PDCD6IP: variants seen among roughly 807,000 people sequenced by gnomAD.
The protein encoded by PDCD6IP is programmed cell death 6 interacting protein.
PDCD6IP carries 43 observed loss-of-function variants against 103.7 expected under a neutral mutation model. The observed-to-expected ratio is 0.41, with a 90% CI of 0.32 to 0.53. The LOEUF is 0.53. Among genes scored for constraint, PDCD6IP ranks in the 20% least tolerant of loss-of-function variants. The probability of loss-of-function intolerance (pLI) is 0.16; values close to 1 mark genes in which losing one functional copy is unlikely to be tolerated. For synonymous variants in PDCD6IP, 354 were observed against 378.7 expected (o/e 0.93, Z 0.76); for missense variants, 871 against 1,036.7 (o/e 0.84, Z 2.20).
chr3:33,847,676 T>G (rs1697624178), intron 12 of PDCD6IP, among the ~76,000 whole-genome samples: 1 of 152,232 alleles, frequency 6.6e-6, no homozygotes, highest in South Asian at 2.1e-4. Context: ...GTCTGGTTAC[T>G]TATTTTCAGT....
intron 7 of PDCD6IP, among the ~76,000 whole-genome samples, chr3:33,834,766 C>A (rs998478295): frequency 6.6e-6 from 1 of 152,152 alleles, no homozygotes; most frequent in Non-Finnish European, 1.5e-5. Flanking sequence ...CTTATCTCTT[C>A]ATCTGGTCAT....
At chr3:33,838,172 A>T (rs1697392002) in intron 8 of PDCD6IP, 32 bp from the exon 9 acceptor site, 2 of 1,606,920 alleles carry the variant, frequency 1.2e-6, no homozygotes, top group Non-Finnish European at 1.7e-6. Context: ...TTTGTCTAAA[A>T]ATTTTGTTGT....
In PDCD6IP at chr3:33,867,767, T is replaced by C. The variant is rs959163529; in HGVS notation, c.*1242T>C. On this transcript the variant is annotated 3_prime_UTR_variant, in exon 18 of 18. Coordinates refer to ENST00000307296, the MANE Select transcript of PDCD6IP (RefSeq NM_013374.6). ...ACAGTGGGATCTGTTTTTTGTGAGG[T>C]TCATTTCTGAACACATTAGGCATAT... is the stretch of plus-strand genomic sequence containing the variant. 1 of 152,176 alleles carries C rather than the reference T, an allele frequency of 6.6e-6. No homozygotes were observed. Among genetic ancestry groups the C allele is most frequent in the Non-Finnish European group, 1.5e-5 (1 of 68,024 alleles). The allele number at this position is 152,176 out of a possible 1,614,324, so 9.4% of individuals were successfully genotyped here.
intron 12 of PDCD6IP, among the ~76,000 whole-genome samples, chr3:33,848,423 G>A (rs77816433): frequency 7.9e-6 from 1 of 126,654 alleles, no homozygotes; most frequent in African/African-American, 3.0e-5. Flanking sequence ...TTTTTTTTTT[G>A]AGACGGAGTC....
intron 13 of PDCD6IP, among the ~76,000 whole-genome samples, chr3:33,853,471 A>G (rs1697763511): frequency 6.6e-6 from 1 of 152,250 alleles, no homozygotes; most frequent in Non-Finnish European, 1.5e-5. Context: ...TTTCGTGTTT[A>G]CAGATAGGTA....
chr3:33,802,856 C>A (rs186292046), intron 1 of PDCD6IP, among the ~76,000 whole-genome samples: 64 of 152,276 alleles, frequency 4.2e-4, no homozygotes, highest in African/African-American at 1.5e-3. Flanking sequence ...CTGAAGTTTT[C>A]TTTGAAGGAT....
chr3:33,801,678 T>C (rs1371184519), intron 1 of PDCD6IP, among the ~76,000 whole-genome samples: 6 of 152,230 alleles, frequency 3.9e-5, no homozygotes, highest in African/African-American at 1.4e-4. Context: ...CTTCTTCCTT[T>C]ATAAAGTGGC....
At position 33,815,775 on chromosome 3, in the gene PDCD6IP, T is replaced by C. The variant is rs530862154; in HGVS notation, c.334+2147T>C. On this transcript the variant is annotated intron_variant, in intron 3 of 17. Transcript: ENST00000307296. ...TCTTTAGTAGAAAGGTTGACTCTGA[T>C]TTTTCTGTGTTATGTCTGGGTAGAC... 3.3e-5 allele frequency among the ~76,000 whole-genome samples: 5 copies of C among 152,316 alleles called. No individual in the cohort carries two copies. In the East Asian group the frequency reaches 9.6e-4, roughly 29 times the overall value.
chr3:33,842,051 C>T lies in PDCD6IP; in HGVS notation c.1336C>T (p.Arg446Ter), dbSNP rs1319853542. The T allele has an allele frequency of 3.1e-6, 5 of 1,611,834 alleles. No homozygotes were observed. Among genetic ancestry groups the T allele is most frequent in the Non-Finnish European group, 4.2e-6 (5 of 1,178,826 alleles). Residue 446 changes from arginine (R) to a stop codon, truncating the protein, a stop_gained, in exon 10 of 18, where the codon CGA (arginine) becomes TGA (stop). Coordinates refer to ENST00000307296, the MANE Select transcript of PDCD6IP (RefSeq NM_013374.6). LOFTEE classifies it high-confidence loss of function. ...LIKELPELLQRNREILDESLR... is the reference protein window; with the variant it reads ...LIKELPELLQ ...TAAAGAACTGCCTGAATTACTGCAA[C>T]GAAATAGAGAAATCCTAGATGAGGT...
intron 5 of PDCD6IP, among the ~76,000 whole-genome samples, chr3:33,825,916 TA>T (rs1467794293): frequency 6.6e-6 from 1 of 152,180 alleles, no homozygotes; most frequent in Non-Finnish European, 1.5e-5. Context: ...AGGTCCTCTT[TA>T]AAGTAGACCT....
intron 3 of PDCD6IP, among the ~76,000 whole-genome samples, chr3:33,815,732 C>T (rs1420767659): frequency 1.3e-5 from 2 of 152,136 alleles, no homozygotes; most frequent in Non-Finnish European, 2.9e-5. Flanking sequence ...TTGGTTTGAC[C>T]TGTTGGATAT....
At chr3:33,846,528 A>G (rs1032424093) in intron 12 of PDCD6IP, among the ~76,000 whole-genome samples, 2 of 152,244 alleles carry the variant, frequency 1.3e-5, no homozygotes, top group African/African-American at 2.4e-5. Context: ...TATAGGAAGT[A>G]TGTTACGAGG....
intron 15 of PDCD6IP, among the ~76,000 whole-genome samples, chr3:33,856,756 A>G (rs1395760021): frequency 6.6e-6 from 1 of 152,144 alleles, no homozygotes; most frequent in Admixed American, 6.5e-5. Context: ...TAAAAAGGTG[A>G]AAAAAATTAG....
chr3:33,858,998 A>G (rs1225969715), intron 15 of PDCD6IP, among the ~76,000 whole-genome samples: 1 of 152,246 alleles, frequency 6.6e-6, no homozygotes, highest in Admixed American at 6.5e-5. Context: ...AAACAATAAA[A>G]AGAGTAGTGA....
chr3:33,800,759 A>G (rs1347862115), intron 1 of PDCD6IP, among the ~76,000 whole-genome samples: 1 of 152,210 alleles, frequency 6.6e-6, no homozygotes, highest in African/African-American at 2.4e-5. Context: ...TAGTTGTGGT[A>G]TAATGAGCCC....
At chr3:33,818,464 A>G (rs1696911545) in intron 3 of PDCD6IP, among the ~76,000 whole-genome samples, 2 of 139,438 alleles carry the variant, frequency 1.4e-5, no homozygotes, top group Non-Finnish European at 3.1e-5. Context: ...GTATATATTT[A>G]TTGAATTAAT....
At chr3:33,861,288 C>T (rs1400072769) in intron 15 of PDCD6IP, among the ~76,000 whole-genome samples, 2 of 151,972 alleles carry the variant, frequency 1.3e-5, no homozygotes, top group Non-Finnish European at 1.5e-5. Context: ...GGATTACAAG[C>T]GCCCACCACC....
At chr3:33,811,105 C>T (rs758504947) in intron 1 of PDCD6IP, 6 of 432,824 alleles carry the variant, frequency 1.4e-5, no homozygotes, top group South Asian at 8.2e-5. Context: ...AGGCTGGTCT[C>T]GAACTCTGGG....
In PDCD6IP at chr3:33,822,053, G is replaced by A. The variant is rs1304086708; in HGVS notation, c.433G>A (p.Gly145Arg). 2 of 1,614,086 alleles carry A rather than the reference G, an allele frequency of 1.2e-6. No individual in the cohort carries two copies. The highest frequency in any genetic ancestry group is 1.1e-5 in the South Asian group (1 of 91,076). Reference protein sequence around the residue: ...AAEQNLDNDEGLKIAAKHYQF... With the variant: ...AAEQNLDNDERLKIAAKHYQF... The stretch of plus-strand genomic sequence containing the variant: ...AGAACAGAACCTGGATAATGATGAA[G>A]GATTGAAAATCGCTGCTAAACATTA... Residue 145 changes from glycine (G) to arginine (R), a missense_variant, in exon 4 of 18, where the codon GGA becomes AGA. Physicochemically the swap from Gly to Arg is moderately radical, Grantham distance 125. Around this residue, in one of 5 missense-constraint regions of PDCD6IP, gnomAD observed 47 missense variants for 83.7 expected, o/e 0.56. Transcript: ENST00000307296.
Sources: allele counts gnomAD v4.1 joint callset (sites outside exome capture counted in the v4.1 genomes callset), GRCh38; gene constraint gnomAD v4.1.1; regional missense constraint gnomAD v4.1.1; transcripts MANE v1.5; gene names NCBI Gene and HGNC (gene_info 2026-07-23, HGNC 2026-07-21).